Variants in PHF12 observed in about 807,000 individuals in gnomAD.
The protein encoded by PHF12 is PHD factor 1.
A neutral mutation model predicts 99.8 loss-of-function variants in PHF12; 6 were observed. The observed-to-expected ratio is 0.06, with a 90% confidence interval of 0.03 to 0.12. The LOEUF (loss-of-function observed/expected upper bound fraction) is 0.12. Among genes scored for constraint, PHF12 ranks in the 10% least tolerant of loss-of-function variants. PHF12 has a pLI of 1.00. For synonymous variants in PHF12, 480 were observed against 514.9 expected, an observed-to-expected ratio of 0.93 and a Z score of 0.92; for missense variants, 954 against 1,300.1, an observed-to-expected ratio of 0.73 and a Z score of 4.09.
intron 2 of PHF12, among the ~76,000 whole-genome samples, chr17:28,934,491 A>G (rs761121195): frequency 6.6e-6 from 1 of 152,212 alleles, no homozygotes; most frequent in Non-Finnish European, 1.5e-5. Context: ...CATTTTGATA[A>G]AATACCTGAT....
intron 7 of PHF12, among the ~76,000 whole-genome samples, chr17:28,914,300 G>A (rs1245329734): frequency 2.0e-5 from 3 of 152,142 alleles, no homozygotes; most frequent in Non-Finnish European, 4.4e-5. Flanking sequence ...GACTGGCACT[G>A]GACAGGGCTT....
Position 28,950,025 on chromosome 17 carries a change from G to C in PHF12, c.248+40C>G, listed in dbSNP as rs1208266951. 3 of 1,526,920 alleles carry C rather than the reference G, an allele frequency of 2.0e-6. No individual in the cohort carries two copies. In the African/African-American group the frequency reaches 4.2e-5, roughly 21 times the overall value. The allele number at this position is 1,526,920 out of a possible 1,614,324, so 94.6% of individuals were successfully genotyped here. ...GCCGGGTGAAGGAATGCGCAGAGAA[G>C]GGTCCGCCAAGAAGCTCCAAAAGGG... On this transcript the variant is annotated intron_variant, in intron 2 of 14. Coordinates refer to ENST00000332830, the MANE Select transcript of PHF12 (RefSeq NM_001033561.2). The surrounding 1 kb of genome is among the most constrained non-coding windows in gnomAD (Gnocchi z 5.7).
chr17:28,950,831 T>A lies in PHF12; in HGVS notation c.66+64A>T. On this transcript the variant is annotated intron_variant, in intron 1 of 14. Coordinates refer to ENST00000332830, the MANE Select transcript of PHF12 (RefSeq NM_001033561.2). This position sits in a 1 kb window ranked among gnomAD's most constrained non-coding sequence, Gnocchi z 5.7. The stretch of plus-strand genomic sequence containing the variant: ...CGCTTCGAGTTTAGGACTGGCTTTG[T>A]GGGGCGGAGGGCGGAGGTTCCCTCC... The A allele has an allele frequency of 6.3e-7, 1 of 1,599,484 alleles. No homozygotes were observed. Among genetic ancestry groups the A allele is most frequent in the South Asian group, 1.1e-5 (1 of 89,858 alleles).
chr17:28,943,362 G>A (rs1219711625), intron 2 of PHF12, among the ~76,000 whole-genome samples: 3 of 152,152 alleles, frequency 2.0e-5, no homozygotes, highest in African/African-American at 4.8e-5. Context: ...TGGCACGGTG[G>A]CTCACACCTG....
intron 4 of PHF12, among the ~76,000 whole-genome samples, chr17:28,923,668 A>AAAAAAAAAAAAAAAAAAAAAAAAAAG: frequency 6.8e-6 from 1 of 147,772 alleles, no homozygotes; most frequent in Non-Finnish European, 1.5e-5. Flanking sequence ...AAAAAAAAAA[A>AAAAAAAAAAAAAAAAAAAAAAAAAAG]AAAAAAAGGA....
At chr17:28,943,448 G>T (rs2040658152) in intron 2 of PHF12, among the ~76,000 whole-genome samples, 1 of 152,124 alleles carries the variant, frequency 6.6e-6, no homozygotes, top group African/African-American at 2.4e-5. Flanking sequence ...TGACCAACAT[G>T]GTGAAACCCC....
intron 3 of PHF12, chr17:28,925,806 T>A (rs1349405061): frequency 6.6e-6 from 1 of 152,228 alleles, no homozygotes; most frequent in East Asian, 1.9e-4. Flanking sequence ...GATAATGGGA[T>A]AACGTAATTA....
intron 2 of PHF12, among the ~76,000 whole-genome samples, chr17:28,930,360 T>C (rs1394966381): frequency 1.3e-5 from 2 of 152,218 alleles, no homozygotes; most frequent in East Asian, 3.8e-4. Flanking sequence ...CTCATTTGCC[T>C]TTGTACCTCC....
At position 28,905,930 on chromosome 17, in the gene PHF12, G is replaced by A. The variant is rs1419940345; in HGVS notation, c.*253C>T. The A allele has an allele frequency of 5.2e-6, 2 of 382,950 alleles. No homozygotes were observed. Among genetic ancestry groups the A allele is most frequent in the African/African-American group, 2.1e-5 (1 of 48,300 alleles). 23.7% of individuals were successfully genotyped at this position (382,950 alleles called of 1,614,324 possible). ...GGGTCTTTCCCTCCCTGCCCACGCT[G>A]TTCCTCAGCTCAGGTCTGCCGCTTT... is the stretch of plus-strand genomic sequence containing the variant. On this transcript the variant is annotated 3_prime_UTR_variant, in exon 15 of 15. Transcript: ENST00000332830.
intron 3 of PHF12, 29 bp from the exon 4 acceptor site, chr17:28,924,331 T>A (rs754176188): frequency 6.2e-7 from 1 of 1,613,920 alleles, no homozygotes; most frequent in South Asian, 1.1e-5. Context: ...GGGCCCATCA[T>A]GAAAAGTACC....
rs1392461937 is a variant in PHF12 at position 28,924,267 on chromosome 17, A to G, written c.357T>C (p.Asn119=). The change falls in exon 4 of 15, where the codon AAT becomes AAC. Residue 119 remains asparagine, a synonymous_variant. Transcript: ENST00000332830. ...REQKKELGHV[N]GLVDKSGKRT... ...GTTTGCCAGATTTGTCCACCAGTCC[A>G]TTGACATGACCCAGCTCCTTTTTCT... 1 of 1,614,192 alleles carries G rather than the reference A, an allele frequency of 6.2e-7. No individual in the cohort carries two copies. The highest frequency in any genetic ancestry group is 1.1e-5 in the South Asian group (1 of 91,080).
chr17:28,926,920 C>T (rs763119800), intron 3 of PHF12, 71 bp downstream of exon 3: 9 of 1,607,610 alleles, frequency 5.6e-6, no homozygotes, highest in South Asian at 3.3e-5. Context: ...AGGGCTAGGC[C>T]GTCTTAGCTC....
chr17:28,924,010 T>A lies in PHF12; in HGVS notation c.614A>T (p.Gln205Leu), dbSNP rs759309453. Residue 205 changes from glutamine (Q) to leucine (L), a missense_variant, in exon 4 of 15, where the codon CAG (glutamine) becomes CTG (leucine). Coordinates refer to ENST00000332830, the MANE Select transcript of PHF12 (RefSeq NM_001033561.2). Reference protein sequence around the residue: ...VAAEPDYVQPQLRRPFELLIA... With the variant: ...VAAEPDYVQPLLRRPFELLIA... ...CAGCAGCTCAAAGGGCCGCCTCAGC[T>A]GGGGCTGCACATAGTCTGGCTCCGC... The A allele has an allele frequency of 6.2e-7, 1 of 1,614,162 alleles. No individual in the cohort carries two copies. Among genetic ancestry groups the A allele is most frequent in the Non-Finnish European group, 8.5e-7 (1 of 1,180,040 alleles).
At chr17:28,912,230 C>T in intron 9 of PHF12, 1 of 1,302,588 alleles carries the variant, frequency 7.7e-7, no homozygotes, top group Non-Finnish European at 9.7e-7. Context: ...GGCTGTGGTT[C>T]CAATCCTGCC....
At chr17:28,919,072 T>A in intron 6 of PHF12, 71 bp downstream of exon 6, 1 of 1,513,818 alleles carries the variant, frequency 6.6e-7, no homozygotes, top group South Asian at 1.3e-5. Flanking sequence ...CTGACCTTAA[T>A]ATGCTTTCTG....
chr17:28,950,524 T>A lies in PHF12; in HGVS notation c.67-278A>T. On this transcript the variant is annotated intron_variant, in intron 1 of 14. Coordinates refer to ENST00000332830, the MANE Select transcript of PHF12 (RefSeq NM_001033561.2). This position sits in a 1 kb window ranked among gnomAD's most constrained non-coding sequence, Gnocchi z 5.7. ...GCGCGGTTCCCTTCTTGCCACTTCC[T>A]TGTATGGACAGTGGGGGACTCCAAA... is the stretch of plus-strand genomic sequence containing the variant. 3.7e-6 allele frequency: 2 copies of A among 547,328 alleles called. No individual in the cohort carries two copies. Among genetic ancestry groups the A allele is most frequent in the Non-Finnish European group, 6.5e-6 (2 of 308,094 alleles). 33.9% of individuals were successfully genotyped at this position (547,328 alleles called of 1,614,324 possible). A position where few individuals can be genotyped will look rare whatever the true frequency, so the allele number is the denominator to read the frequency against.
rs771436690 is a variant in PHF12 at position 28,950,335 on chromosome 17, CCT to C, written c.67-91_67-90del. 2.1e-5 allele frequency: 28 copies of C among 1,359,954 alleles called. No homozygotes were observed. The allele number at this position is 1,359,954 out of a possible 1,614,324, so 84.2% of individuals were successfully genotyped here. A position where few individuals can be genotyped will look rare whatever the true frequency, so the allele number is the denominator to read the frequency against. ...CGGCGCGGTTTCTCCGTCACCCACCCCTCTCCCCCCTTTTGTCCTTCTTCCTC... is the reference window on the plus strand; with the variant it reads ...CGGCGCGGTTTCTCCGTCACCCACCCCTCCCCCCTTTTGTCCTTCTTCCTC... On this transcript the variant is annotated intron_variant, in intron 1 of 14. Transcript: ENST00000332830. The surrounding 1 kb of genome is among the most constrained non-coding windows in gnomAD (Gnocchi z 5.7).
At position 28,917,315 on chromosome 17, in the gene PHF12, C is replaced by A; in HGVS notation, c.1104G>T (p.Val368=). Residue 368 remains valine, a synonymous_variant, in exon 7 of 15, where the codon GTG becomes GTT. Transcript: ENST00000332830. The stretch of plus-strand genomic sequence containing the variant: ...AGCTTCTTCTTTTGACCGACTGGAG[C>A]ACACGCCGGTTAGGGGGGTGCTTCT... The part of the protein sequence containing the change: ...IHKKHPPNRR[V]LQSVKRRSLK... The A allele has an allele frequency of 6.2e-7, 1 of 1,614,020 alleles. No individual in the cohort carries two copies. Among genetic ancestry groups the A allele is most frequent in the Non-Finnish European group, 8.5e-7 (1 of 1,180,008 alleles).
chr17:28,951,260 G>T lies in PHF12; in HGVS notation c.-300C>A. On this transcript the variant is annotated 5_prime_UTR_variant, in exon 1 of 15. Coordinates refer to ENST00000332830, the MANE Select transcript of PHF12 (RefSeq NM_001033561.2). ...GGGCCTAGTCCCACAGGCTAAAGCC[G>T]GCACTGGCGACAGCCGGTCCGGCCG... is the stretch of plus-strand genomic sequence containing the variant. The T allele has an allele frequency of 1.6e-6, 2 of 1,218,452 alleles. No individual in the cohort carries two copies. The highest frequency in any genetic ancestry group is 2.1e-6 in the Non-Finnish European group (2 of 973,212). The allele number at this position is 1,218,452 out of a possible 1,614,324, so 75.5% of individuals were successfully genotyped here.
Sources: allele counts gnomAD v4.1 joint callset (sites outside exome capture counted in the v4.1 genomes callset), GRCh38; gene constraint gnomAD v4.1.1; non-coding constraint Gnocchi (gnomAD v3.1); transcripts MANE v1.5; gene names NCBI Gene and HGNC (gene_info 2026-07-23, HGNC 2026-07-21).